Variants in DNAJC21 observed in about 807,000 individuals in gnomAD.
DNAJC21 encodes the protein DnaJ heat shock protein family (Hsp40) member C21, also known as dnaJ homolog subfamily C member 21.
A neutral mutation model predicts 72.4 loss-of-function variants in DNAJC21; 63 were observed. The ratio of observed to expected loss-of-function variants is 0.87; its 90% confidence interval spans 0.71 to 1.07. The LOEUF is 1.07. DNAJC21 is among the 50% of genes least tolerant of loss of function. The probability of loss-of-function intolerance (pLI) is 0.00; values close to 1 mark genes in which losing one functional copy is unlikely to be tolerated. For missense variants in DNAJC21, 634 were observed against 644.8 expected, an observed-to-expected ratio of 0.98 and a Z score of 0.18; for synonymous variants, 203 against 216.7, an observed-to-expected ratio of 0.94 and a Z score of 0.56.
At chr5:34,950,578 A>G (rs1280728643) in intron 10 of DNAJC21, 6 of 1,137,548 alleles carry the variant, frequency 5.3e-6, no homozygotes, top group African/African-American at 1.6e-5. Flanking sequence ...AATCAGAAAG[A>G]TGTCACTTTG....
Sources: gnomAD v4.1 joint callset for allele counts on GRCh38, gnomAD v4.1.1 for gene constraint, MANE v1.5 for transcripts, NCBI Gene and HGNC (gene_info 2026-07-23, HGNC 2026-07-21) for gene names.